The following PHLDB2 variants were observed in gnomAD, a reference collection of about 807,000 sequenced individuals.
The protein encoded by PHLDB2 is pleckstrin homology-like domain family B member 2.
A neutral mutation model predicts 123.6 loss-of-function variants in PHLDB2; 71 were observed. The observed-to-expected ratio is 0.57, with a 90% CI of 0.47 to 0.70. The LOEUF (loss-of-function observed/expected upper bound fraction) is 0.70. Ranked by LOEUF, PHLDB2 falls within the 30% of genes least tolerant of loss-of-function variation. PHLDB2 has a pLI of 0.00. For synonymous variants in PHLDB2, 547 were observed against 541.6 expected (o/e 1.01, Z -0.14); for missense variants, 1,446 against 1,519.5 (o/e 0.95, Z 0.80).
intron 6 of PHLDB2, among the ~76,000 whole-genome samples, chr3:111,938,116 C>T (rs778939040): frequency 6.6e-6 from 1 of 152,118 alleles, no homozygotes. Flanking sequence ...TTTACACTTT[C>T]CAGTAAAAAG....
At chr3:111,774,051 A>G (rs1407281388) in intron 1 of PHLDB2, among the ~76,000 whole-genome samples, 3 of 152,234 alleles carry the variant, frequency 2.0e-5, no homozygotes, top group African/African-American at 4.8e-5. Flanking sequence ...GCTGAGCTCT[A>G]TAAACACCTG....
At chr3:111,964,836 G>A (rs1161967126) in intron 13 of PHLDB2, among the ~76,000 whole-genome samples, 1 of 152,188 alleles carries the variant, frequency 6.6e-6, no homozygotes, top group East Asian at 1.9e-4. Flanking sequence ...TGAAAAAAAG[G>A]GATAAATGGG....
chr3:111,891,371 G>A (rs2066484247), intron 2 of PHLDB2, among the ~76,000 whole-genome samples: 1 of 152,008 alleles, frequency 6.6e-6, no homozygotes, highest in Non-Finnish European at 1.5e-5. Flanking sequence ...TGGTGGCATT[G>A]GATTTTCAAA....
At chr3:111,787,747 C>G (rs1477073823) in intron 1 of PHLDB2, among the ~76,000 whole-genome samples, 1 of 152,046 alleles carries the variant, frequency 6.6e-6, no homozygotes, top group African/African-American at 2.4e-5. Flanking sequence ...CAGCCACGGC[C>G]AAGAAGAAAG....
At chr3:111,866,856 C>T (rs967011) in intron 1 of PHLDB2, among the ~76,000 whole-genome samples, 93,036 of 151,562 alleles carry the variant, frequency 0.61, 29,385 homozygotes, top group Middle Eastern at 0.79. Context: ...TGATCAGGAT[C>T]CTTGGTTAGG....
At chr3:111,769,276 G>C (rs2060134305) in intron 1 of PHLDB2, among the ~76,000 whole-genome samples, 1 of 152,198 alleles carries the variant, frequency 6.6e-6, no homozygotes, top group African/African-American at 2.4e-5. Flanking sequence ...CTAGGAGCAT[G>C]AAGAGTATGG....
intron 1 of PHLDB2, among the ~76,000 whole-genome samples, chr3:111,736,601 T>C (rs1225184633): frequency 2.0e-5 from 3 of 152,296 alleles, no homozygotes; most frequent in Admixed American, 2.0e-4. Context: ...GTCCTACAAA[T>C]GGTAGGAATG....
At chr3:111,830,314 A>G (rs1387014740) in intron 1 of PHLDB2, among the ~76,000 whole-genome samples, 1 of 152,148 alleles carries the variant, frequency 6.6e-6, no homozygotes, top group African/African-American at 2.4e-5. Flanking sequence ...TGAGGCTGGT[A>G]TTTCTGCTTA....
intron 1 of PHLDB2, among the ~76,000 whole-genome samples, chr3:111,794,757 C>A (rs2061080998): frequency 6.6e-6 from 1 of 152,228 alleles, no homozygotes; most frequent in Non-Finnish European, 1.5e-5. Context: ...GAACTTCAGT[C>A]CCTGATACAT....
At chr3:111,764,933 C>G (rs1028353118) in intron 1 of PHLDB2, among the ~76,000 whole-genome samples, 1 of 152,172 alleles carries the variant, frequency 6.6e-6, no homozygotes, top group Admixed American at 6.5e-5. Flanking sequence ...CTTGCTAATA[C>G]CCAAGCGACA....
In PHLDB2 at chr3:111,966,518, TGTGTCTG is replaced by T. The variant is rs796115759; in HGVS notation, c.3078-93_3078-87del. The T allele has an allele frequency of 1.8e-4, 107 of 596,444 alleles. No homozygotes were observed. In the African/African-American group the frequency reaches 2.7e-3, roughly 15 times the overall value. 36.9% of individuals were successfully genotyped at this position (596,444 alleles called of 1,614,324 possible). A position where few individuals can be genotyped will look rare whatever the true frequency, so the allele number is the denominator to read the frequency against. On this transcript the variant is annotated intron_variant, in intron 13 of 17. Coordinates refer to ENST00000431670, the MANE Select transcript of PHLDB2 (RefSeq NM_001134438.2). ...TTGACCCCATGTGTGTGTGTGTGTG[TGTGTCTG>T]GGGTGTGTGTGTGTGTGTGTGTGTA...
At chr3:111,950,742 G>A (rs1171358216) in intron 10 of PHLDB2, among the ~76,000 whole-genome samples, 4 of 152,130 alleles carry the variant, frequency 2.6e-5, no homozygotes, top group Non-Finnish European at 4.4e-5. Context: ...TATGTTTCTT[G>A]AAGGTACCTT....
At chr3:111,910,619 T>G (rs1445541614) in intron 2 of PHLDB2, among the ~76,000 whole-genome samples, 2 of 152,210 alleles carry the variant, frequency 1.3e-5, no homozygotes, top group African/African-American at 2.4e-5. Context: ...CTTGAGAGGT[T>G]CTGGTCTGGA....
intron 2 of PHLDB2, among the ~76,000 whole-genome samples, chr3:111,894,919 A>G (rs1171426540): frequency 6.9e-6 from 1 of 144,912 alleles, no homozygotes; most frequent in Non-Finnish European, 1.5e-5. Flanking sequence ...CTCTCTACAA[A>G]TTGCTGGTTT....
chr3:111,825,486 T>C (rs1300994877), intron 1 of PHLDB2, among the ~76,000 whole-genome samples: 3 of 152,358 alleles, frequency 2.0e-5, no homozygotes, highest in Non-Finnish European at 4.4e-5. Context: ...CTCCCTCTGT[T>C]ACCCAGGCTG....
chr3:111,839,734 T>G (rs2063585222), intron 1 of PHLDB2, among the ~76,000 whole-genome samples: 2 of 152,156 alleles, frequency 1.3e-5, no homozygotes, highest in Admixed American at 1.3e-4. Flanking sequence ...CATCCTTACC[T>G]TTTTGTAATC....
intron 1 of PHLDB2, among the ~76,000 whole-genome samples, chr3:111,764,091 G>A (rs2108022034): frequency 6.6e-6 from 1 of 152,300 alleles, no homozygotes; most frequent in South Asian, 2.1e-4. Flanking sequence ...CGCTACTCAA[G>A]TTGTGTGACC....
chr3:111,875,593 C>A (rs1383874901), intron 1 of PHLDB2, among the ~76,000 whole-genome samples: 4 of 151,546 alleles, frequency 2.6e-5, no homozygotes, highest in African/African-American at 9.7e-5. Flanking sequence ...GAGGCCGAGG[C>A]AGGCAGATCA....
chr3:111,819,581 T>G (rs1305487343), intron 1 of PHLDB2, among the ~76,000 whole-genome samples: 1 of 152,194 alleles, frequency 6.6e-6, no homozygotes, highest in Non-Finnish European at 1.5e-5. Context: ...TTGAGAGAAT[T>G]TGTACAACAG....
Sources: allele counts gnomAD v4.1 joint callset (sites outside exome capture counted in the v4.1 genomes callset), GRCh38; gene constraint gnomAD v4.1.1; transcripts MANE v1.5; gene names NCBI Gene and HGNC (gene_info 2026-07-23, HGNC 2026-07-21).